Variants in RNF144B observed in about 807,000 individuals in gnomAD.
The protein encoded by RNF144B is ring finger protein 144B, also known as E3 ubiquitin-protein ligase RNF144B.
In RNF144B, 25 loss-of-function variants were observed where a neutral mutation model predicts 40.2. The ratio of observed to expected loss-of-function variants is 0.62; its 90% CI spans 0.45 to 0.87. The LOEUF is 0.87. Among genes scored for constraint, RNF144B ranks in the 40% least tolerant of loss-of-function variants. The pLI is 0.00. For missense variants in RNF144B, 365 were observed against 373.7 expected (o/e 0.98, Z 0.19); for synonymous variants, 145 against 136.3 (o/e 1.06, Z -0.44).
rs1794623620 is a variant in RNF144B at position 18,393,261 on chromosome 6, T to A, written c.-37+5631T>A. ...CATGCATTAGAACTGTTTTTCTGAT[T>A]GAAAGAATGTACGCTGGTTCATCTT... On this transcript the variant is annotated intron_variant, in intron 1 of 7. Transcript: ENST00000259939. Among the ~76,000 whole-genome samples, 4 of 152,258 alleles carry A rather than the reference T, an allele frequency of 2.6e-5. No homozygotes were observed. The East Asian group carries it at 7.7e-4, about 29-fold the overall frequency.
chr6:18,448,537 G>A lies in RNF144B; in HGVS notation c.332-8618G>A, dbSNP rs1037236093. 6.6e-6 allele frequency among the ~76,000 whole-genome samples: 1 copy of A among 152,068 alleles called. No homozygotes were observed. Among genetic ancestry groups the A allele is most frequent in the African/African-American group, 2.4e-5 (1 of 41,406 alleles). Reference sequence around the variant, plus strand: ...TATAGCGAACCTAGCAATATTGAACGTGAAGTTTACAAGATACCTCCCAGG... The same window carrying A: ...TATAGCGAACCTAGCAATATTGAACATGAAGTTTACAAGATACCTCCCAGG... On this transcript the variant is annotated intron_variant, in intron 4 of 7. Coordinates refer to ENST00000259939, the MANE Select transcript of RNF144B (RefSeq NM_182757.4). This position sits in a 1 kb window ranked among gnomAD's most constrained non-coding sequence, Gnocchi z 4.0.
rs1759438258 is a variant in RNF144B, at chr6:18,460,919, A to G, written c.681+1168A>G. On this transcript the variant is annotated intron_variant, in intron 6 of 7. Transcript: ENST00000259939. The surrounding 1 kb of genome is among the most constrained non-coding windows in gnomAD (Gnocchi z 4.4). ...TGTTTTGGCAATTTGGACCTCTAAA[A>G]TATGTCCATATCAGCGTAAGCCCTC... 6.6e-6 allele frequency among the ~76,000 whole-genome samples: 1 copy of G among 152,230 alleles called. No individual in the cohort carries two copies. The highest frequency in any genetic ancestry group is 2.4e-5 in the African/African-American group (1 of 41,464).
chr6:18,401,708 T>C (rs1016707646), intron 2 of RNF144B, among the ~76,000 whole-genome samples: 4 of 152,246 alleles, frequency 2.6e-5, no homozygotes, highest in African/African-American at 9.6e-5. Context: ...ATCAAATGTT[T>C]TGTATTTTCG....
chr6:18,405,177 G>GTTATTA lies in RNF144B; in HGVS notation c.165+5484_165+5489dup, dbSNP rs1562041964. 3.8e-5 allele frequency among the ~76,000 whole-genome samples: 2 copies of GTTATTA among 53,178 alleles called. No homozygotes were observed. The highest frequency in any genetic ancestry group is 7.9e-5 in the African/African-American group (1 of 12,682). The allele number at this position is 53,178 out of a possible 152,430, so 34.9% of individuals were successfully genotyped here. ...TATTATTATTATTATTATTATTATTGTTATTATTATTTTTGAGATGGAGTC... is the reference window on the plus strand; with the variant it reads ...TATTATTATTATTATTATTATTATTGTTATTATTATTATTATTTTTGAGATGGAGTC... On this transcript the variant is annotated intron_variant, in intron 2 of 7. Coordinates refer to ENST00000259939, the MANE Select transcript of RNF144B (RefSeq NM_182757.4). The surrounding 1 kb of genome is among the most constrained non-coding windows in gnomAD (Gnocchi z 4.5).
At position 18,410,390 on chromosome 6, in the gene RNF144B, A is replaced by G. The variant is rs9477737; in HGVS notation, c.165+10691A>G. Among the ~76,000 whole-genome samples the G allele has an allele frequency of 0.95, 144,493 of 152,288 alleles. 68,568 individuals are homozygous for G. Among genetic ancestry groups the G allele is most frequent in the East Asian group, 1 (5,175 of 5,178 alleles). On this transcript the variant is annotated intron_variant, in intron 2 of 7. Coordinates refer to ENST00000259939, the MANE Select transcript of RNF144B (RefSeq NM_182757.4). This position sits in a 1 kb window ranked among gnomAD's most constrained non-coding sequence, Gnocchi z 4.6. Reference sequence around the variant, plus strand: ...GACCCTCTGATAAAGGAAGTACAATATGTTATAAAGCATACAGAAACCCAC... The same window carrying G: ...GACCCTCTGATAAAGGAAGTACAATGTGTTATAAAGCATACAGAAACCCAC...
At position 18,400,145 on chromosome 6, in the gene RNF144B, C is replaced by T. The variant is rs902726390; in HGVS notation, c.165+446C>T. Among the ~76,000 whole-genome samples the T allele has an allele frequency of 7.2e-5, 11 of 151,824 alleles. No homozygotes were observed. In the South Asian group the frequency reaches 8.3e-4, roughly 11 times the overall value. On this transcript the variant is annotated intron_variant, in intron 2 of 7. Coordinates refer to ENST00000259939, the MANE Select transcript of RNF144B (RefSeq NM_182757.4). The surrounding 1 kb of genome is among the most constrained non-coding windows in gnomAD (Gnocchi z 5.6). ...GAAATTAGCTGGGCTTGGTGGCGGG[C>T]GCCTGTAGTCCCAGCTACTCGGGAG... is the stretch of plus-strand genomic sequence containing the variant.
rs1475840861 is a variant in RNF144B at position 18,467,404 on chromosome 6, T to TTTG, written c.*2339_*2340insGTT. 2.3e-5 allele frequency: 3 copies of TTTG among 129,684 alleles called. No homozygotes were observed. The highest frequency in any genetic ancestry group is 2.0e-4 in the East Asian group (1 of 4,888). The allele number at this position is 129,684 out of a possible 1,614,324, so 8.0% of individuals were successfully genotyped here. ...ATCACTGAATTAGCTGCTTTTGTTTTTTTTTTTTTTTTTTTGCCAGGGCTA... is the reference window on the plus strand; with the variant it reads ...ATCACTGAATTAGCTGCTTTTGTTTTTTGTTTTTTTTTTTTTTTGCCAGGGCTA... On this transcript the variant is annotated 3_prime_UTR_variant, in exon 8 of 8. Coordinates refer to ENST00000259939, the MANE Select transcript of RNF144B (RefSeq NM_182757.4).
In RNF144B at chr6:18,395,189, T is replaced by C. The variant is rs1562038681; in HGVS notation, c.-36-4310T>C. ...GGGTGGATAATTCAAGTCACTTTCT[T>C]ATTTTTGATAGAAATGTGAGGTATG... On this transcript the variant is annotated intron_variant, in intron 1 of 7. Transcript: ENST00000259939. The surrounding 1 kb of genome is among the most constrained non-coding windows in gnomAD (Gnocchi z 4.5). 6.6e-6 allele frequency among the ~76,000 whole-genome samples: 1 copy of C among 152,228 alleles called. No individual in the cohort carries two copies. The highest frequency in any genetic ancestry group is 1.5e-5 in the Non-Finnish European group (1 of 68,036).
rs560667176 is a variant in RNF144B at position 18,409,246 on chromosome 6, C to T, written c.165+9547C>T. Among the ~76,000 whole-genome samples the T allele has an allele frequency of 8.6e-5, 13 of 151,656 alleles. No homozygotes were observed. In the East Asian group the frequency reaches 2.2e-3, roughly 25 times the overall value. On this transcript the variant is annotated intron_variant, in intron 2 of 7. Transcript: ENST00000259939. Reference sequence around the variant, plus strand: ...TACAAAAATTTGCCAGGCACAGTGGCGCACACCTGTAATCCCAGCTATTTG... The same window carrying T: ...TACAAAAATTTGCCAGGCACAGTGGTGCACACCTGTAATCCCAGCTATTTG...
At position 18,466,217 on chromosome 6, in the gene RNF144B, A is replaced by G. The variant is rs914601885; in HGVS notation, c.*1150A>G. 2 of 152,060 alleles carry G rather than the reference A, an allele frequency of 1.3e-5. No individual in the cohort carries two copies. Among genetic ancestry groups the G allele is most frequent in the African/African-American group, 4.8e-5 (2 of 41,304 alleles). 9.4% of individuals were successfully genotyped at this position (152,060 alleles called of 1,614,324 possible). A position where few individuals can be genotyped will look rare whatever the true frequency, so the allele number is the denominator to read the frequency against. ...GTTCATAACTTACCCAAGGGTATAG[A>G]CTCATAACTCTTTTAAAACAGTGCT... On this transcript the variant is annotated 3_prime_UTR_variant, in exon 8 of 8. Transcript: ENST00000259939.
At chr6:18,411,575 C>T (rs1400403496) in intron 2 of RNF144B, among the ~76,000 whole-genome samples, 6 of 122,060 alleles carry the variant, frequency 4.9e-5, no homozygotes, top group South Asian at 2.8e-4. Context: ...GTGATCTCGG[C>T]TCATTGCAAT....
intron 4 of RNF144B, among the ~76,000 whole-genome samples, chr6:18,451,275 C>CA (rs933985340): frequency 2.6e-5 from 4 of 152,134 alleles, no homozygotes; most frequent in African/African-American, 9.7e-5. Context: ...GGGTCTCTAA[C>CA]AAGTACCTGA....
At chr6:18,463,198 A>C (rs1356505677) in intron 6 of RNF144B, 93 bp from the exon 7 acceptor site, 1 of 777,864 alleles carries the variant, frequency 1.3e-6, no homozygotes, top group Non-Finnish European at 2.2e-6. Context: ...CCAGAGAAAA[A>C]CTTTGCCTTC....
Position 18,400,345 on chromosome 6 carries a change from G to A in RNF144B, c.165+646G>A, listed in dbSNP as rs1056578557. On this transcript the variant is annotated intron_variant, in intron 2 of 7. Coordinates refer to ENST00000259939, the MANE Select transcript of RNF144B (RefSeq NM_182757.4). This position sits in a 1 kb window ranked among gnomAD's most constrained non-coding sequence, Gnocchi z 5.6. ...AAGAAACTCACCAGGTATTTTAAAT[G>A]ATGGAGAAGTCAGGTAGTAATTTAC... Among the ~76,000 whole-genome samples the A allele has an allele frequency of 6.6e-6, 1 of 151,652 alleles. No individual in the cohort carries two copies. The highest frequency in any genetic ancestry group is 1.5e-5 in the Non-Finnish European group (1 of 67,964).
chr6:18,465,282 C>G lies in RNF144B; in HGVS notation c.*215C>G, dbSNP rs967138432. On this transcript the variant is annotated 3_prime_UTR_variant, in exon 8 of 8. Transcript: ENST00000259939. Reference sequence around the variant, plus strand: ...ACAAGAACTGGGCTCAACGGTCCAGCTGTTTCTATGGAGCTTTGGGGTTCC... The same window carrying G: ...ACAAGAACTGGGCTCAACGGTCCAGGTGTTTCTATGGAGCTTTGGGGTTCC... 21 of 569,680 alleles carry G rather than the reference C, an allele frequency of 3.7e-5. No individual in the cohort carries two copies. The East Asian group carries it at 5.1e-4, about 14-fold the overall frequency. 35.3% of individuals were successfully genotyped at this position (569,680 alleles called of 1,614,324 possible).
chr6:18,406,165 A>G lies in RNF144B; in HGVS notation c.165+6466A>G, dbSNP rs1008641623. The G allele has an allele frequency of 3.9e-6, 2 of 518,856 alleles. No homozygotes were observed. The highest frequency in any genetic ancestry group is 7.7e-6 in the Non-Finnish European group (2 of 259,860). The allele number at this position is 518,856 out of a possible 1,614,324, so 32.1% of individuals were successfully genotyped here. On this transcript the variant is annotated intron_variant, in intron 2 of 7. Coordinates refer to ENST00000259939, the MANE Select transcript of RNF144B (RefSeq NM_182757.4). This position sits in a 1 kb window ranked among gnomAD's most constrained non-coding sequence, Gnocchi z 4.2. The stretch of plus-strand genomic sequence containing the variant: ...AATAACTCAACTTTTCGTATGAGAC[A>G]TAGATGCTAACAAGTAAATACAGAA...
intron 2 of RNF144B, among the ~76,000 whole-genome samples, chr6:18,423,218 C>G (rs1446615698): frequency 6.6e-6 from 1 of 152,152 alleles, no homozygotes; most frequent in Non-Finnish European, 1.5e-5. Flanking sequence ...GATATTGTCC[C>G]ATTTTATAAA....
At chr6:18,393,293 G>A (rs1794624386) in intron 1 of RNF144B, among the ~76,000 whole-genome samples, 1 of 152,158 alleles carries the variant, frequency 6.6e-6, no homozygotes, top group South Asian at 2.1e-4. Flanking sequence ...TCTTGTCCTT[G>A]AATGACCAGA....
At chr6:18,463,199 C>G in intron 6 of RNF144B, 92 bp from the exon 7 acceptor site, 1 of 787,266 alleles carries the variant, frequency 1.3e-6, no homozygotes, top group South Asian at 1.5e-5. Flanking sequence ...CAGAGAAAAA[C>G]TTTGCCTTCC....
Sources: gnomAD v4.1 joint callset for allele counts (sites outside exome capture counted in the v4.1 genomes callset) on GRCh38, gnomAD v4.1.1 for gene constraint, Gnocchi (gnomAD v3.1) non-coding constraint, MANE v1.5 for transcripts, NCBI Gene and HGNC (gene_info 2026-07-23, HGNC 2026-07-21) for gene names.